Variants in FRMD4A observed in about 807,000 individuals in gnomAD.
FRMD4A encodes FERM domain-containing protein 4A.
A neutral mutation model predicts 129.1 loss-of-function variants in FRMD4A; 29 were observed. That is an observed-to-expected ratio of 0.22 (90% CI 0.17 to 0.31). The LOEUF is 0.31. Ranked by LOEUF, FRMD4A falls within the 10% of genes least tolerant of loss-of-function variation. The pLI is 1.00. For synonymous variants in FRMD4A, 634 were observed against 571.6 expected (o/e 1.11, Z -1.56); for missense variants, 1,272 against 1,375.8 (o/e 0.92, Z 1.19).
At chr10:14,020,341 C>T (rs537662718) in intron 2 of FRMD4A, among the ~76,000 whole-genome samples, 2 of 152,184 alleles carry the variant, frequency 1.3e-5, no homozygotes, top group Non-Finnish European at 2.9e-5. Flanking sequence ...CCAAAGCCCC[C>T]CAGTGGCCCT....
rs986706901 is a variant in FRMD4A, at chr10:14,163,060, G to C, written c.45+166998C>G. On this transcript the variant is annotated intron_variant, in intron 2 of 24. Transcript: ENST00000357447. ...AATCTAGAGAGACCAAAGAATAATAGAAAGTTTGTGGATGTAATGTGGGGG... is the reference window on the plus strand; with the variant it reads ...AATCTAGAGAGACCAAAGAATAATACAAAGTTTGTGGATGTAATGTGGGGG... Among the ~76,000 whole-genome samples the C allele has an allele frequency of 9.9e-5, 15 of 152,230 alleles. No individual in the cohort carries two copies. The South Asian group carries it at 3.1e-3, about 32-fold the overall frequency.
intron 2 of FRMD4A, among the ~76,000 whole-genome samples, chr10:13,905,712 A>G (rs769230974): frequency 6.6e-6 from 1 of 152,240 alleles, no homozygotes; most frequent in Non-Finnish European, 1.5e-5. Flanking sequence ...ATGGAGGCTC[A>G]GAAACACTAA....
Position 14,286,908 on chromosome 10 carries a change from G to A in FRMD4A, c.45+43150C>T, listed in dbSNP as rs567915518. On this transcript the variant is annotated intron_variant, in intron 2 of 24. Transcript: ENST00000357447. The stretch of plus-strand genomic sequence containing the variant: ...CATTAGGAATCTCGTTGCCCCTGCT[G>A]CTGAGGCCACCAAAAGAAGTGAAAT... 9.2e-5 allele frequency among the ~76,000 whole-genome samples: 14 copies of A among 152,158 alleles called. No individual in the cohort carries two copies. In the South Asian group the frequency reaches 2.7e-3, roughly 29 times the overall value.
intron 2 of FRMD4A, among the ~76,000 whole-genome samples, chr10:13,964,571 T>C (rs2095471680): frequency 2.0e-5 from 3 of 152,316 alleles, no homozygotes; most frequent in Admixed American, 2.0e-4. Context: ...CATGGGATCT[T>C]CCAAGTCTCT....
At chr10:13,868,991 G>A (rs1013203957) in intron 2 of FRMD4A, among the ~76,000 whole-genome samples, 2 of 152,218 alleles carry the variant, frequency 1.3e-5, no homozygotes, top group African/African-American at 4.8e-5. Flanking sequence ...CTGCGGGTTT[G>A]CACTTCAAGT....
intron 2 of FRMD4A, among the ~76,000 whole-genome samples, chr10:14,120,088 G>C (rs1395375392): frequency 6.6e-6 from 1 of 151,542 alleles, no homozygotes; most frequent in Non-Finnish European, 1.5e-5. Context: ...TGCCAGGATG[G>C]GCCTGACAAT....
At chr10:14,284,125 T>C (rs1845606866) in intron 2 of FRMD4A, among the ~76,000 whole-genome samples, 1 of 152,230 alleles carries the variant, frequency 6.6e-6, no homozygotes, top group African/African-American at 2.4e-5. Context: ...CTGTAAAATT[T>C]AAATGATTAC....
intron 2 of FRMD4A, among the ~76,000 whole-genome samples, chr10:13,979,905 C>G (rs2095554735): frequency 6.6e-6 from 1 of 152,226 alleles, no homozygotes; most frequent in Non-Finnish European, 1.5e-5. Flanking sequence ...CTGAAACTCT[C>G]TAACAGGCAG....
At chr10:14,271,467 G>A (rs1845161748) in intron 2 of FRMD4A, among the ~76,000 whole-genome samples, 1 of 152,138 alleles carries the variant, frequency 6.6e-6, no homozygotes, top group East Asian at 1.9e-4. Flanking sequence ...CATATCTTTG[G>A]GATGTGTGGG....
intron 2 of FRMD4A, among the ~76,000 whole-genome samples, chr10:13,994,175 AT>A (rs549621959): frequency 0.045 from 4,561 of 101,812 alleles, 84 homozygotes; most frequent in African/African-American, 0.1. Context: ...CGCCCAGCTA[AT>A]TTTTTTTTTT....
chr10:14,107,410 TGTTTATGCCATCAACC>T (rs1384610137), intron 2 of FRMD4A, among the ~76,000 whole-genome samples: 1 of 152,246 alleles, frequency 6.6e-6, no homozygotes, highest in Admixed American at 6.5e-5. Context: ...CCTCCCTGTG[TGTTTATGCCATCAACC>T]GATGTATATT....
intron 2 of FRMD4A, chr10:14,003,395 T>A (rs1390708902): frequency 3.9e-5 from 6 of 152,284 alleles, no homozygotes; most frequent in Non-Finnish European, 8.8e-5. Context: ...TTTGAGGTGT[T>A]GAGATGTTCA....
intron 2 of FRMD4A, among the ~76,000 whole-genome samples, chr10:14,153,604 A>G (rs1840448829): frequency 6.6e-6 from 1 of 152,168 alleles, no homozygotes. Context: ...GGTCACTCCT[A>G]GCATGAGTTA....
intron 2 of FRMD4A, among the ~76,000 whole-genome samples, chr10:14,073,261 G>A (rs951145982): frequency 6.6e-6 from 1 of 152,106 alleles, no homozygotes. Context: ...GTGGGAGTGA[G>A]GGCGAGTTGG....
chr10:13,975,044 C>A (rs569833429), intron 2 of FRMD4A, among the ~76,000 whole-genome samples: 1 of 150,522 alleles, frequency 6.6e-6, no homozygotes, highest in Non-Finnish European at 1.5e-5. Context: ...TATGCATGTG[C>A]GTGTCTCTGA....
In FRMD4A at chr10:13,717,701, T is replaced by TTC. The variant is rs1296439855; in HGVS notation, c.760-10589_760-10588insGA. ...GAAACCTGTTGTTCTTGTTTTTTTT[T>TTC]TTTTTTTTTCCAGGGGTGGCGGGGG... On this transcript the variant is annotated intron_variant, in intron 12 of 24. Transcript: ENST00000357447. Among the ~76,000 whole-genome samples, 3 of 140,780 alleles carry TTC rather than the reference T, an allele frequency of 2.1e-5. No individual in the cohort carries two copies. In the East Asian group the frequency reaches 6.6e-4, roughly 31 times the overall value. The allele number at this position is 140,780 out of a possible 152,430, so 92.4% of individuals were successfully genotyped here.
At chr10:13,749,485 C>A (rs890594024) in intron 8 of FRMD4A, among the ~76,000 whole-genome samples, 2 of 152,276 alleles carry the variant, frequency 1.3e-5, no homozygotes, top group South Asian at 4.2e-4. Context: ...ACCTATGCTG[C>A]TAACTGGAGG....
chr10:14,058,624 T>C (rs1285841436), intron 2 of FRMD4A, among the ~76,000 whole-genome samples: 1 of 152,146 alleles, frequency 6.6e-6, no homozygotes, highest in African/African-American at 2.4e-5. Flanking sequence ...GAGGCACAGA[T>C]TGGATTCTCA....
chr10:14,029,419 C>A (rs758356545), intron 2 of FRMD4A, among the ~76,000 whole-genome samples: 61 of 151,936 alleles, frequency 4.0e-4, no homozygotes, highest in Non-Finnish European at 7.9e-4. Flanking sequence ...ATGAGTGCTC[C>A]GCAAAAGTGA....
Sources: gnomAD v4.1 joint callset for allele counts (sites outside exome capture counted in the v4.1 genomes callset) on GRCh38, gnomAD v4.1.1 for gene constraint, MANE v1.5 for transcripts, NCBI Gene and HGNC (gene_info 2026-07-23, HGNC 2026-07-21) for gene names.